Variants in ESR1 observed in about 807,000 individuals in gnomAD.
ESR1 encodes estrogen receptor.
ESR1 carries 12 observed loss-of-function variants against 52.7 expected under a neutral mutation model. The ratio of observed to expected loss-of-function variants is 0.23; its 90% CI spans 0.15 to 0.37. The LOEUF is 0.37. Among genes scored for constraint, ESR1 ranks in the 10% least tolerant of loss-of-function variants. ESR1 has a pLI of 1.00. For synonymous variants in ESR1, 305 were observed against 316.8 expected, an observed-to-expected ratio of 0.96 and a Z score of 0.39; for missense variants, 584 against 779.7, an observed-to-expected ratio of 0.75 and a Z score of 2.99.
At position 152,101,181 on chromosome 6, in the gene ESR1, A is replaced by G. The variant is rs1014663572; in HGVS notation, c.*2215A>G. On this transcript the variant is annotated 3_prime_UTR_variant, in exon 8 of 8. Transcript: ENST00000206249. The stretch of plus-strand genomic sequence containing the variant: ...ACAGTAGACAAAATAGCACTAATCC[A>G]GATGCCTATTGTTGGATACTGAATG... 4.3e-6 allele frequency: 1 copy of G among 231,958 alleles called. No homozygotes were observed. 14.4% of individuals were successfully genotyped at this position (231,958 alleles called of 1,614,324 possible). A position where few individuals can be genotyped will look rare whatever the true frequency, so the allele number is the denominator to read the frequency against.
intron 4 of ESR1, among the ~76,000 whole-genome samples, chr6:151,984,592 A>G (rs2040283363): frequency 6.6e-6 from 1 of 152,102 alleles, no homozygotes. Flanking sequence ...CCTGCAGTCC[A>G]CCCTGGGCTG....
chr6:151,808,083 C>T lies in ESR1; in HGVS notation c.171C>T (p.Gly57=), dbSNP rs144290760. The stretch of plus-strand genomic sequence containing the variant: ...CCGCCGTGTACAACTACCCCGAGGG[C>T]GCCGCCTACGAGTTCAACGCCGCGG... The part of the protein sequence containing the change: ...SKPAVYNYPE[G]AAYEFNAAAA... The change falls in exon 1 of 8, where the codon GGC becomes GGT. Residue 57 remains glycine (G), a synonymous_variant. Transcript: ENST00000206249. 2.5e-6 allele frequency: 4 copies of T among 1,612,780 alleles called. No individual in the cohort carries two copies. The highest frequency in any genetic ancestry group is 4.5e-5 in the East Asian group (2 of 44,828).
At chr6:151,820,139 T>C (rs980072671) in intron 1 of ESR1, among the ~76,000 whole-genome samples, 16 of 151,988 alleles carry the variant, frequency 1.1e-4, no homozygotes, top group Non-Finnish European at 2.1e-4. Flanking sequence ...GTCAAAATGG[T>C]TTAATAGAGC....
chr6:151,961,545 A>G (rs961710829), intron 4 of ESR1, among the ~76,000 whole-genome samples: 3 of 152,190 alleles, frequency 2.0e-5, no homozygotes, highest in Non-Finnish European at 4.4e-5. Flanking sequence ...ATGCCATCAC[A>G]TAGATAGGAA....
intron 2 of ESR1, among the ~76,000 whole-genome samples, chr6:151,769,319 A>G (rs1785317941): frequency 6.6e-6 from 1 of 152,190 alleles, no homozygotes; most frequent in African/African-American, 2.4e-5. Context: ...GTTCACTTTT[A>G]TTTCTGACTA....
At chr6:151,825,731 G>A (rs1208349272) in intron 1 of ESR1, among the ~76,000 whole-genome samples, 1 of 151,956 alleles carries the variant, frequency 6.6e-6, no homozygotes, top group African/African-American at 2.4e-5. Flanking sequence ...GGCCAAAATG[G>A]AGAAACCTCG....
intron 4 of ESR1, 136 bp from the exon 5 acceptor site, chr6:152,011,520 A>G (rs1281332361): frequency 4.1e-6 from 4 of 982,324 alleles, no homozygotes; most frequent in African/African-American, 3.2e-5. Context: ...TGACTTCACT[A>G]TAAAGTATGT....
chr6:152,117,622 T>G (rs1174004915), intron 6 of ESR1, among the ~76,000 whole-genome samples: 4 of 152,222 alleles, frequency 2.6e-5, no homozygotes, highest in Non-Finnish European at 5.9e-5. Flanking sequence ...CTAGATTAAA[T>G]GTTCTCATTG....
intron 1 of ESR1, among the ~76,000 whole-genome samples, chr6:151,684,847 G>T (rs1245716050): frequency 1.3e-5 from 2 of 152,134 alleles, no homozygotes; most frequent in African/African-American, 2.4e-5. Flanking sequence ...CCAATCAAAG[G>T]CACCCATAGG....
At chr6:151,846,068 G>C (rs545430245) in intron 2 of ESR1, among the ~76,000 whole-genome samples, 1 of 152,262 alleles carries the variant, frequency 6.6e-6, no homozygotes, top group East Asian at 1.9e-4. Context: ...GGTTGAGTCT[G>C]GCTATCAGAG....
intron 1 of ESR1, among the ~76,000 whole-genome samples, chr6:151,815,244 A>G (rs1779423931): frequency 6.6e-6 from 1 of 152,196 alleles, no homozygotes; most frequent in South Asian, 2.1e-4. Context: ...GTGAAAGGGT[A>G]TACATTCCAA....
intron 6 of ESR1, among the ~76,000 whole-genome samples, chr6:152,070,579 C>T (rs927750257): frequency 1.4e-5 from 2 of 138,390 alleles, no homozygotes; most frequent in African/African-American, 6.4e-5. Context: ...TGAGTCTAGA[C>T]CAAACTCACA....
chr6:151,956,256 T>G (rs1402055754), intron 4 of ESR1, among the ~76,000 whole-genome samples: 2 of 152,200 alleles, frequency 1.3e-5, no homozygotes, highest in Non-Finnish European at 2.9e-5. Flanking sequence ...GTGGGATTCC[T>G]TGGTTGAATG....
chr6:152,111,705 G>A (rs1218340961), intron 6 of ESR1, among the ~76,000 whole-genome samples: 2 of 152,154 alleles, frequency 1.3e-5, no homozygotes, highest in African/African-American at 4.8e-5. Context: ...GAGGGGAGAA[G>A]GGCAGAGAGA....
downstream of ESR1, among the ~76,000 whole-genome samples, chr6:152,108,047 T>G (rs2051087148): frequency 6.6e-6 from 1 of 152,172 alleles, no homozygotes; most frequent in African/African-American, 2.4e-5. Context: ...CTGACTCAAT[T>G]TTTTGCTGGG....
At chr6:151,892,589 CTTT>C (rs774675899) in intron 3 of ESR1, among the ~76,000 whole-genome samples, 1 of 121,762 alleles carries the variant, frequency 8.2e-6, no homozygotes. Flanking sequence ...GATAACTAAG[CTTT>C]TTTTTTTTTT....
upstream of ESR1, among the ~76,000 whole-genome samples, chr6:151,687,576 T>G (rs898777800): frequency 6.6e-6 from 1 of 152,178 alleles, no homozygotes; most frequent in Non-Finnish European, 1.5e-5. Context: ...AAAAACCTGA[T>G]TTTTTATTTT....
chr6:152,052,057 G>A (rs2046724751), intron 5 of ESR1, among the ~76,000 whole-genome samples: 1 of 152,146 alleles, frequency 6.6e-6, no homozygotes, highest in Non-Finnish European at 1.5e-5. Context: ...AAGAAGCATG[G>A]CGCCAGCATC....
In ESR1 at chr6:152,079,404, G is replaced by T. The variant is rs181113948; in HGVS notation, c.1370-14981G>T. On this transcript the variant is annotated intron_variant, in intron 6 of 7. Transcript: ENST00000206249. The stretch of plus-strand genomic sequence containing the variant: ...AGGCCTGCAGCTGAGGGGCCTGACG[G>T]TTAGAAGGAAAACTAACAAACAGAA... Among the ~76,000 whole-genome samples the T allele has an allele frequency of 2.6e-5, 4 of 152,314 alleles. No homozygotes were observed. The East Asian group carries it at 7.7e-4, about 29-fold the overall frequency.
Sources: gnomAD v4.1 joint callset for allele counts (sites outside exome capture counted in the v4.1 genomes callset) on GRCh38, gnomAD v4.1.1 for gene constraint, MANE v1.5 for transcripts, NCBI Gene and HGNC (gene_info 2026-07-23, HGNC 2026-07-21) for gene names.